Variants in ZNF423 observed in about 807,000 individuals in gnomAD.
The protein encoded by ZNF423 is Ebf-associated zinc finger protein.
In ZNF423, 12 loss-of-function variants were observed where a neutral mutation model predicts 95.8. That is an observed-to-expected ratio of 0.13 (90% CI 0.08 to 0.20). The LOEUF is 0.20. ZNF423 is among the 10% of genes least tolerant of loss of function. The pLI is 1.00. For synonymous variants in ZNF423, 749 were observed against 711.9 expected (o/e 1.05, Z -0.83); for missense variants, 1,316 against 1,737.1 (o/e 0.76, Z 4.31).
chr16:49,639,596 G>A (rs1972901196), intron 3 of ZNF423, among the ~76,000 whole-genome samples: 2 of 152,130 alleles, frequency 1.3e-5, no homozygotes, highest in South Asian at 4.1e-4. Context: ...TGTTTTCTTT[G>A]TTCCCACTGC....
chr16:49,755,730 T>C (rs867699486), intron 2 of ZNF423, among the ~76,000 whole-genome samples: 2 of 151,654 alleles, frequency 1.3e-5, no homozygotes, highest in South Asian at 4.3e-4. Flanking sequence ...TAAAAAATAA[T>C]AATAATTAGC....
intron 4 of ZNF423, among the ~76,000 whole-genome samples, chr16:49,631,569 C>T (rs1972499460): frequency 1.3e-5 from 2 of 152,218 alleles, no homozygotes; most frequent in Non-Finnish European, 2.9e-5. Flanking sequence ...GTTCCAGGGC[C>T]TGTGGCCAGG....
intron 4 of ZNF423, among the ~76,000 whole-genome samples, chr16:49,626,827 C>T (rs1175118421): frequency 6.9e-6 from 1 of 144,586 alleles, no homozygotes; most frequent in African/African-American, 2.5e-5. Flanking sequence ...TCTACATATA[C>T]ACCCACCAAT....
Position 49,724,407 on chromosome 16 carries a change from G to A in ZNF423, c.301+6364C>T, listed in dbSNP as rs376851858. The stretch of plus-strand genomic sequence containing the variant: ...CCATGTGAAGTCAACTGACACCAAG[G>A]CCCCGAGTGCATTCCCTGTGGGCAG... On this transcript the variant is annotated intron_variant, in intron 3 of 7. Coordinates refer to ENST00000563137, the MANE Select transcript of ZNF423 (RefSeq NM_001379286.1). Among the ~76,000 whole-genome samples the A allele has an allele frequency of 6.8e-3, 982 of 145,110 alleles. 14 individuals carry two copies. The highest frequency in any genetic ancestry group is 0.026 in the African/African-American group (938 of 36,740).
chr16:49,545,760 C>T (rs1017281514), intron 5 of ZNF423, among the ~76,000 whole-genome samples: 1 of 152,178 alleles, frequency 6.6e-6, no homozygotes, highest in Non-Finnish European at 1.5e-5. Context: ...AGACTGGGCT[C>T]GCTGAGTTAA....
At chr16:49,629,483 T>A (rs896703963) in intron 4 of ZNF423, among the ~76,000 whole-genome samples, 5 of 152,220 alleles carry the variant, frequency 3.3e-5, no homozygotes, top group Non-Finnish European at 7.3e-5. Flanking sequence ...TGCTGGTTCC[T>A]CTATGTGCAA....
rs1218490541 is a variant in ZNF423, at chr16:49,491,895, G to A, written c.3850-591C>T. ...GGGACAGGTCACCCGGCAGGAAGACGCGGGAGGAGCCTCTGCTGCTGGGCT... is the reference window on the plus strand; with the variant it reads ...GGGACAGGTCACCCGGCAGGAAGACACGGGAGGAGCCTCTGCTGCTGGGCT... On this transcript the variant is annotated intron_variant, in intron 7 of 7. Coordinates refer to ENST00000563137, the MANE Select transcript of ZNF423 (RefSeq NM_001379286.1). Among the ~76,000 whole-genome samples, 4 of 152,198 alleles carry A rather than the reference G, an allele frequency of 2.6e-5. No homozygotes were observed. In the East Asian group the frequency reaches 7.7e-4, roughly 29 times the overall value.
chr16:49,771,223 C>T (rs1388841983), intron 2 of ZNF423, among the ~76,000 whole-genome samples: 10 of 103,980 alleles, frequency 9.6e-5, no homozygotes, highest in Non-Finnish European at 1.6e-4. Context: ...GAGAAGGAGT[C>T]TCACTCTCTC....
intron 1 of ZNF423, among the ~76,000 whole-genome samples, chr16:49,817,409 C>G (rs1049903514): frequency 6.4e-4 from 98 of 152,306 alleles, no homozygotes; most frequent in African/African-American, 2.3e-3. Flanking sequence ...ACTCTCTGGG[C>G]CCATCCTGGG....
At chr16:49,712,406 A>C (rs2032572690) in intron 3 of ZNF423, among the ~76,000 whole-genome samples, 1 of 152,240 alleles carries the variant, frequency 6.6e-6, no homozygotes, top group African/African-American at 2.4e-5. Flanking sequence ...TTGGAAAAAA[A>C]AGAAACAATA....
chr16:49,510,709 T>C (rs1307497813), intron 7 of ZNF423, among the ~76,000 whole-genome samples: 3 of 152,158 alleles, frequency 2.0e-5, no homozygotes, highest in Non-Finnish European at 2.9e-5. Context: ...TCTGAGTCAA[T>C]GCGGGGCAGG....
intron 5 of ZNF423, among the ~76,000 whole-genome samples, chr16:49,568,609 C>A (rs1970266609): frequency 6.6e-6 from 1 of 152,158 alleles, no homozygotes; most frequent in Non-Finnish European, 1.5e-5. Flanking sequence ...CCTGCCTCCG[C>A]CTGCTCTCCT....
chr16:49,583,545 T>C lies in ZNF423; in HGVS notation c.3601+42625A>G, dbSNP rs8048545. Among the ~76,000 whole-genome samples, 1,233 of 152,312 alleles carry C rather than the reference T, an allele frequency of 8.1e-3. 17 individuals are homozygous for C. The highest frequency in any genetic ancestry group is 0.028 in the African/African-American group (1,172 of 41,564). On this transcript the variant is annotated intron_variant, in intron 5 of 7. Transcript: ENST00000563137. ...ATTTTCTTTACAGATGCATTAACCA[T>C]CTACAGAAGTACTAATGACTATGCA... is the stretch of plus-strand genomic sequence containing the variant.
At chr16:49,678,665 C>T (rs539641417) in intron 3 of ZNF423, among the ~76,000 whole-genome samples, 3 of 152,192 alleles carry the variant, frequency 2.0e-5, no homozygotes, top group African/African-American at 4.8e-5. Context: ...CTCTCCTCAC[C>T]CCTGCACTGG....
At chr16:49,649,650 C>T (rs1347337149) in intron 3 of ZNF423, among the ~76,000 whole-genome samples, 1 of 108,512 alleles carries the variant, frequency 9.2e-6, no homozygotes, top group Non-Finnish European at 1.9e-5. Context: ...CACACACACA[C>T]ACACACACAC....
rs1185877053 is a variant in ZNF423 at position 49,855,526 on chromosome 16, G to GCCGCCGCCGCCT, written c.40+197_40+208dup. Among the ~76,000 whole-genome samples, 78 of 145,076 alleles carry GCCGCCGCCGCCT rather than the reference G, an allele frequency of 5.4e-4. No homozygotes were observed. The highest frequency in any genetic ancestry group is 2.0e-3 in the African/African-American group (77 of 39,048). ...GCGTACCCCCTCCGCCGCCGCCGCC[G>GCCGCCGCCGCCT]CCGCCGCCGCCTCCGCCTCCTGCTC... On this transcript the variant is annotated intron_variant, in intron 1 of 7. Coordinates refer to ENST00000563137, the MANE Select transcript of ZNF423 (RefSeq NM_001379286.1). This position sits in a 1 kb window ranked among gnomAD's most constrained non-coding sequence, Gnocchi z 4.7.
Position 49,638,148 on chromosome 16 carries a change from A to G in ZNF423, c.1028T>C (p.Val343Ala). The G allele has an allele frequency of 6.2e-7, 1 of 1,610,736 alleles. No individual in the cohort carries two copies. The highest frequency in any genetic ancestry group is 8.5e-7 in the Non-Finnish European group (1 of 1,179,996). The change falls in exon 4 of 8, where the codon GTG (valine) becomes GCG (alanine). Residue 343 changes from valine (V) to alanine (A), a missense_variant. By Grantham distance (64) the Val-to-Ala change is moderately conservative. This residue lies in a region of ZNF423 where 399 missense variants were observed against 478.5 expected (regional missense o/e 0.83). Transcript: ENST00000563137. The surrounding 1 kb of genome is among the most constrained non-coding windows in gnomAD (Gnocchi z 5.6). The part of the protein sequence containing the change: ...CPMCPEQFSS[V>A]EGVYCHLDSH... ...GTCCAGGTGGCAGTAGACACCTTCC[A>G]CTGAGGAGAACTGCTCAGGGCACAT... is the stretch of plus-strand genomic sequence containing the variant.
intron 5 of ZNF423, among the ~76,000 whole-genome samples, chr16:49,551,170 T>A (rs1200613912): frequency 6.6e-6 from 1 of 152,232 alleles, no homozygotes; most frequent in East Asian, 1.9e-4. Flanking sequence ...CCACCCTCCT[T>A]CCCACTCAAA....
intron 3 of ZNF423, among the ~76,000 whole-genome samples, chr16:49,727,994 T>C (rs2033070249): frequency 6.6e-6 from 1 of 152,200 alleles, no homozygotes; most frequent in Admixed American, 6.5e-5. Flanking sequence ...CATCATCTGC[T>C]AAAGCCCCAG....
Sources: allele counts gnomAD v4.1 joint callset (sites outside exome capture counted in the v4.1 genomes callset), GRCh38; gene constraint gnomAD v4.1.1; regional missense constraint gnomAD v4.1.1; non-coding constraint Gnocchi (gnomAD v3.1); transcripts MANE v1.5; gene names NCBI Gene and HGNC (gene_info 2026-07-23, HGNC 2026-07-21).